LRFN5: variants seen among roughly 807,000 people sequenced by gnomAD.
LRFN5 encodes leucine-rich repeat and fibronectin type-III domain-containing protein 5.
LRFN5 carries 24 observed loss-of-function variants against 45.6 expected under a neutral mutation model. The ratio of observed to expected loss-of-function variants is 0.53; its 90% CI spans 0.38 to 0.74. LRFN5 has a LOEUF of 0.74. LRFN5 is among the 30% of genes least tolerant of loss of function. The pLI is 0.00. For synonymous variants in LRFN5, 340 were observed against 313.8 expected (o/e 1.08, Z -0.88); for missense variants, 776 against 861.5 (o/e 0.90, Z 1.24).
At chr14:41,841,000 A>C (rs1470687909) in intron 2 of LRFN5, among the ~76,000 whole-genome samples, 2 of 151,764 alleles carry the variant, frequency 1.3e-5, no homozygotes, top group Non-Finnish European at 3.0e-5. Context: ...TTGTTTAAAA[A>C]TGTTACTATT....
intron 2 of LRFN5, among the ~76,000 whole-genome samples, chr14:41,775,087 C>CTTTTCCT (rs1886229978): frequency 1.6e-5 from 1 of 60,896 alleles, no homozygotes; most frequent in Non-Finnish European, 3.0e-5. Flanking sequence ...GCTACTTTTT[C>CTTTTCCT]TTTTTCTTTT....
chr14:41,769,729 C>A (rs1170751421), intron 2 of LRFN5, among the ~76,000 whole-genome samples: 1 of 151,940 alleles, frequency 6.6e-6, no homozygotes, highest in East Asian at 1.9e-4. Flanking sequence ...TAAATTATCA[C>A]CTTTTATGAC....
At chr14:41,713,575 A>T (rs1883371092) in intron 1 of LRFN5, among the ~76,000 whole-genome samples, 1 of 152,150 alleles carries the variant, frequency 6.6e-6, no homozygotes, top group Non-Finnish European at 1.5e-5. Context: ...AGGCATAAAG[A>T]TGTATTTGCC....
chr14:41,838,865 C>T (rs1399263811), intron 2 of LRFN5, among the ~76,000 whole-genome samples: 1 of 151,956 alleles, frequency 6.6e-6, no homozygotes, highest in Non-Finnish European at 1.5e-5. Flanking sequence ...TGGCTCATTG[C>T]CTCTACACAT....
intron 2 of LRFN5, among the ~76,000 whole-genome samples, chr14:41,814,918 A>G (rs1887864875): frequency 6.6e-6 from 1 of 152,158 alleles, no homozygotes. Flanking sequence ...TGGTTAAGAG[A>G]GGGCAGAAGA....
chr14:41,729,686 A>G (rs1247362095), intron 1 of LRFN5, among the ~76,000 whole-genome samples: 4 of 152,048 alleles, frequency 2.6e-5, no homozygotes, highest in Non-Finnish European at 5.9e-5. Context: ...ATTCTTGTAC[A>G]CATTTATATC....
intron 1 of LRFN5, among the ~76,000 whole-genome samples, chr14:41,748,365 G>A (rs1885003804): frequency 2.0e-5 from 3 of 152,038 alleles, no homozygotes; most frequent in African/African-American, 4.8e-5. Context: ...ATATATGATA[G>A]AGCATGGATA....
intron 2 of LRFN5, among the ~76,000 whole-genome samples, chr14:41,818,342 T>C (rs1183689441): frequency 1.3e-5 from 2 of 152,072 alleles, no homozygotes; most frequent in Admixed American, 1.3e-4. Flanking sequence ...TGTGAATCAA[T>C]TTAAACAGGG....
At chr14:41,698,522 C>G (rs1441338611) in intron 1 of LRFN5, among the ~76,000 whole-genome samples, 1 of 151,952 alleles carries the variant, frequency 6.6e-6, no homozygotes, top group Non-Finnish European at 1.5e-5. Flanking sequence ...TAAATTGGAG[C>G]CTGTGGGTTT....
Position 41,887,971 on chromosome 14 carries a change from T to C in LRFN5, c.1346T>C (p.Ile449Thr). The change falls in exon 3 of 6, where the codon ATC becomes ACC. Residue 449 changes from isoleucine (I) to threonine (T), a missense_variant. Around this residue, in one of 2 missense-constraint regions of LRFN5, gnomAD observed 465 missense variants for 456.4 expected, o/e 1.02. Coordinates refer to ENST00000298119, the MANE Select transcript of LRFN5 (RefSeq NM_152447.5). This position sits in a 1 kb window ranked among gnomAD's most constrained non-coding sequence, Gnocchi z 4.8. ...ATCCCTGGAATACGTATGTTTCAAA[T>C]CCAGTACAATGGTACTTATGATGAC... ...RNIPGIRMFQIQYNGTYDDTL... is the reference protein window; with the variant it reads ...RNIPGIRMFQTQYNGTYDDTL... 2 of 1,612,704 alleles carry C rather than the reference T, an allele frequency of 1.2e-6. No homozygotes were observed. The highest frequency in any genetic ancestry group is 1.7e-6 in the Non-Finnish European group (2 of 1,179,282).
intron 2 of LRFN5, among the ~76,000 whole-genome samples, chr14:41,779,144 A>C (rs557968670): frequency 3.2e-4 from 48 of 151,886 alleles, no homozygotes; most frequent in Non-Finnish European, 3.5e-4. Flanking sequence ...TATTTGGTAA[A>C]TGTTCTTTAT....
At chr14:41,701,320 G>T (rs1349179608) in intron 1 of LRFN5, 3 of 152,052 alleles carry the variant, frequency 2.0e-5, no homozygotes, top group Non-Finnish European at 4.4e-5. Context: ...TTATTTTTTA[G>T]TCCTCGTAAT....
At chr14:41,685,525 A>T (rs556212996) in intron 1 of LRFN5, among the ~76,000 whole-genome samples, 1 of 152,292 alleles carries the variant, frequency 6.6e-6, no homozygotes, top group South Asian at 2.1e-4. Context: ...CATTTTTGTC[A>T]TGAAATCTTT....
At chr14:41,859,556 G>A (rs1010328352) in intron 2 of LRFN5, among the ~76,000 whole-genome samples, 1 of 152,160 alleles carries the variant, frequency 6.6e-6, no homozygotes, top group Non-Finnish European at 1.5e-5. Flanking sequence ...TAACCCAGAG[G>A]GGGAAGCTTT....
At chr14:41,745,058 C>T (rs1884867308) in intron 1 of LRFN5, among the ~76,000 whole-genome samples, 1 of 151,972 alleles carries the variant, frequency 6.6e-6, no homozygotes, top group East Asian at 1.9e-4. Flanking sequence ...ACACTCTACC[C>T]AACAACAGAA....
intron 1 of LRFN5, among the ~76,000 whole-genome samples, chr14:41,645,156 A>G (rs1594577475): frequency 6.6e-6 from 1 of 152,230 alleles, no homozygotes; most frequent in East Asian, 1.9e-4. Context: ...TGAGGGGATT[A>G]AAAGAGATGA....
At chr14:41,745,645 AAG>A (rs1491434457) in intron 1 of LRFN5, among the ~76,000 whole-genome samples, 3 of 151,850 alleles carry the variant, frequency 2.0e-5, no homozygotes, top group African/African-American at 7.2e-5. Context: ...CTAAGAAAAA[AAG>A]AGAAGATTCA....
chr14:41,614,433 T>TA (rs1345767492), intron 1 of LRFN5, among the ~76,000 whole-genome samples: 2 of 152,172 alleles, frequency 1.3e-5, no homozygotes, highest in Non-Finnish European at 2.9e-5. Context: ...ATCAGGCACT[T>TA]AAACAATATA....
chr14:41,612,112 A>G (rs564097887), intron 1 of LRFN5, among the ~76,000 whole-genome samples: 1 of 152,210 alleles, frequency 6.6e-6, no homozygotes, highest in East Asian at 1.9e-4. Context: ...TTGGCTTAGT[A>G]GTTTTGCTGA....
Sources: allele counts gnomAD v4.1 joint callset (sites outside exome capture counted in the v4.1 genomes callset), GRCh38; gene constraint gnomAD v4.1.1; regional missense constraint gnomAD v4.1.1; non-coding constraint Gnocchi (gnomAD v3.1); transcripts MANE v1.5; gene names NCBI Gene and HGNC (gene_info 2026-07-23, HGNC 2026-07-21).